The following MAPKAP1 variants were observed in gnomAD, a reference collection of about 807,000 sequenced individuals.
MAPKAP1 encodes MAPK associated protein 1.
A neutral mutation model predicts 65.7 loss-of-function variants in MAPKAP1; 20 were observed. The observed-to-expected ratio is 0.30, with a 90% CI of 0.21 to 0.44. The LOEUF is 0.44. Ranked by LOEUF, MAPKAP1 falls within the 20% of genes least tolerant of loss-of-function variation. MAPKAP1 has a pLI of 1.00. For synonymous variants in MAPKAP1, 222 were observed against 244.3 expected, an observed-to-expected ratio of 0.91 and a Z score of 0.85; for missense variants, 423 against 648.0, an observed-to-expected ratio of 0.65 and a Z score of 3.77.
At chr9:125,486,553 T>C (rs1854505104) in intron 8 of MAPKAP1, among the ~76,000 whole-genome samples, 1 of 152,252 alleles carries the variant, frequency 6.6e-6, no homozygotes, top group South Asian at 2.1e-4. Flanking sequence ...CCACAGTTAC[T>C]GCTTACGGGG....
intron 1 of MAPKAP1, among the ~76,000 whole-genome samples, chr9:125,705,568 G>C (rs1317899778): frequency 6.6e-6 from 1 of 152,138 alleles, no homozygotes; most frequent in East Asian, 1.9e-4. Flanking sequence ...TGGCAGCAAA[G>C]ACTGAATCTT....
rs564729548 is a variant in MAPKAP1 at position 125,634,082 on chromosome 9, G to A, written c.498+23569C>T. 3.3e-5 allele frequency among the ~76,000 whole-genome samples: 5 copies of A among 152,236 alleles called. No individual in the cohort carries two copies. In the East Asian group the frequency reaches 5.8e-4, roughly 18 times the overall value. On this transcript the variant is annotated intron_variant, in intron 4 of 11. Coordinates refer to ENST00000265960, the MANE Select transcript of MAPKAP1 (RefSeq NM_001006617.3). The stretch of plus-strand genomic sequence containing the variant: ...AATGCTGGGTTTCTTTATCCATATC[G>A]CTATTTGACACGCCTTAGCCCACTG...
intron 10 of MAPKAP1, among the ~76,000 whole-genome samples, chr9:125,463,038 T>C (rs1005776827): frequency 1.3e-5 from 2 of 152,240 alleles, no homozygotes; most frequent in East Asian, 1.9e-4. Flanking sequence ...ATCTCCTCGG[T>C]AGAAGTCTTG....
intron 5 of MAPKAP1, 32 bp downstream of exon 5, chr9:125,585,523 A>G (rs760498927): frequency 6.2e-7 from 1 of 1,606,844 alleles, no homozygotes; most frequent in Non-Finnish European, 8.5e-7. Flanking sequence ...AGACCACAAG[A>G]AACTAGAGCA....
Position 125,484,567 on chromosome 9 carries a change from C to A in MAPKAP1, c.1083G>T (p.Gly361=). ...LVRENSSRAD[G]VFEEDSQIDI... ...CAATTTGCGAATCCTCCTCAAAAAC[C>A]CCGTCTGCCCTTGAACCTGGGGAGG... The change falls in exon 9 of 12, where the codon GGG becomes GGT. Residue 361 remains glycine, a synonymous_variant. Coordinates refer to ENST00000265960, the MANE Select transcript of MAPKAP1 (RefSeq NM_001006617.3). 6.2e-7 allele frequency: 1 copy of A among 1,609,886 alleles called. No individual in the cohort carries two copies. Among genetic ancestry groups the A allele is most frequent in the Non-Finnish European group, 8.5e-7 (1 of 1,178,028 alleles).
At chr9:125,449,004 CA>C (rs11358978) in intron 10 of MAPKAP1, among the ~76,000 whole-genome samples, 9,059 of 88,998 alleles carry the variant, frequency 0.1, 237 homozygotes, top group African/African-American at 0.16. Context: ...GACTCTGTCT[CA>C]AAAAAAAAAA....
At chr9:125,677,987 G>A (rs1025519878) in intron 1 of MAPKAP1, among the ~76,000 whole-genome samples, 7 of 151,886 alleles carry the variant, frequency 4.6e-5, no homozygotes, top group East Asian at 1.9e-4. Context: ...GCATGATCAC[G>A]GCTCACTGCA....
intron 7 of MAPKAP1, among the ~76,000 whole-genome samples, chr9:125,509,141 C>T (rs898933619): frequency 6.6e-6 from 1 of 152,072 alleles, no homozygotes; most frequent in East Asian, 1.9e-4. Context: ...GAAATGTTCC[C>T]AGTGTATAGA....
chr9:125,448,643 T>C (rs1354644799), intron 10 of MAPKAP1, among the ~76,000 whole-genome samples: 6 of 152,144 alleles, frequency 3.9e-5, no homozygotes, highest in South Asian at 2.1e-4. Context: ...GCGGTTTTCA[T>C]AGGAACAGGG....
intron 1 of MAPKAP1, among the ~76,000 whole-genome samples, chr9:125,687,839 A>C (rs1053511364): frequency 3.9e-5 from 6 of 152,222 alleles, no homozygotes; most frequent in Non-Finnish European, 8.8e-5. Flanking sequence ...CATAAATCTA[A>C]GATGTAATAT....
At chr9:125,480,921 G>A (rs1201804161) in intron 9 of MAPKAP1, among the ~76,000 whole-genome samples, 1 of 144,036 alleles carries the variant, frequency 6.9e-6, no homozygotes, top group African/African-American at 2.6e-5. Context: ...GCAGTGAGCC[G>A]AGCTTGCACC....
At chr9:125,608,685 C>T (rs779611517) in intron 4 of MAPKAP1, among the ~76,000 whole-genome samples, 4 of 152,204 alleles carry the variant, frequency 2.6e-5, no homozygotes, top group Non-Finnish European at 5.9e-5. Context: ...CCGACGCCTG[C>T]GCTCAGGGGT....
At chr9:125,553,263 C>A (rs541984579) in intron 6 of MAPKAP1, among the ~76,000 whole-genome samples, 3 of 152,224 alleles carry the variant, frequency 2.0e-5, no homozygotes, top group African/African-American at 7.2e-5. Flanking sequence ...TTAGGCTGGG[C>A]GCGGTGGCTC....
intron 10 of MAPKAP1, among the ~76,000 whole-genome samples, chr9:125,455,706 T>G (rs1333697660): frequency 1.3e-5 from 2 of 152,262 alleles, no homozygotes; most frequent in Non-Finnish European, 2.9e-5. Context: ...AAATCCATTC[T>G]TGCCTGACAG....
intron 1 of MAPKAP1, among the ~76,000 whole-genome samples, chr9:125,695,291 C>A (rs758044849): frequency 1.3e-5 from 2 of 152,272 alleles, no homozygotes; most frequent in East Asian, 3.9e-4. Context: ...CACCCCACGC[C>A]GGTAAAGAGC....
intron 4 of MAPKAP1, among the ~76,000 whole-genome samples, chr9:125,624,473 G>A (rs1380997069): frequency 9.2e-6 from 1 of 108,298 alleles, no homozygotes; most frequent in Non-Finnish European, 2.0e-5. Flanking sequence ...CGCCCCGTCC[G>A]GGAGGTAAGG....
At chr9:125,498,399 G>A (rs1202798725) in intron 8 of MAPKAP1, among the ~76,000 whole-genome samples, 2 of 152,098 alleles carry the variant, frequency 1.3e-5, no homozygotes, top group South Asian at 2.1e-4. Context: ...GGATAACTTC[G>A]AGCAAGTCAC....
chr9:125,654,686 C>A (rs966111107), intron 4 of MAPKAP1, among the ~76,000 whole-genome samples: 2 of 152,140 alleles, frequency 1.3e-5, no homozygotes, highest in African/African-American at 4.8e-5. Flanking sequence ...TGGAAATATT[C>A]ACTTTAATTT....
intron 4 of MAPKAP1, among the ~76,000 whole-genome samples, chr9:125,649,497 A>G (rs1833829284): frequency 6.6e-6 from 1 of 152,308 alleles, no homozygotes; most frequent in Non-Finnish European, 1.5e-5. Flanking sequence ...CTGAGTGCAC[A>G]TCCCTGTCAT....
Sources: allele counts gnomAD v4.1 joint callset (sites outside exome capture counted in the v4.1 genomes callset), GRCh38; gene constraint gnomAD v4.1.1; transcripts MANE v1.5; gene names NCBI Gene and HGNC (gene_info 2026-07-23, HGNC 2026-07-21).